MILR1: variants seen among roughly 807,000 people sequenced by gnomAD.
The protein encoded by MILR1 is mast cell immunoglobulin like receptor 1.
In MILR1, 31 loss-of-function variants were observed where a neutral mutation model predicts 18.5. The observed-to-expected ratio is 1.68, with a 90% CI of 1.26 to 2.26. MILR1 has a LOEUF of 2.26. Ranked by LOEUF, MILR1 falls within the 30% of genes most tolerant of loss-of-function variation. MILR1 has a pLI of 0.00. For missense variants in MILR1, 257 were observed against 157.4 expected, an observed-to-expected ratio of 1.63 and a Z score of -3.38; for synonymous variants, 85 against 56.2, an observed-to-expected ratio of 1.51 and a Z score of -2.30.
chr17:64,480,371 T>C, the MILR1 span: 1 of 1,573,096 alleles, frequency 6.4e-7, no homozygotes, highest in Non-Finnish European at 8.7e-7. Flanking sequence ...AGTAACTCAT[T>C]AAATAGCCCT....
chr17:64,482,898 A>C, the MILR1 span: 1 of 1,312,900 alleles, frequency 7.6e-7, no homozygotes, highest in Non-Finnish European at 1.1e-6. Context: ...TTAAAATGAC[A>C]TTTAAACTCA....
At chr17:64,460,474 A>G (rs1210688607) in intron 4 of MILR1, among the ~76,000 whole-genome samples, 1 of 152,140 alleles carries the variant, frequency 6.6e-6, no homozygotes, top group Non-Finnish European at 1.5e-5. Flanking sequence ...AGTAGCTGGG[A>G]TCATAGGCAC....
the MILR1 span, among the ~76,000 whole-genome samples, chr17:64,482,327 CTTTT>C: frequency 7.8e-6 from 1 of 128,560 alleles, no homozygotes. Context: ...AAATTAAAAA[CTTTT>C]TTTTTTTTTT....
chr17:64,496,483 C>G, the MILR1 span: 1 of 1,612,140 alleles, frequency 6.2e-7, no homozygotes, highest in Admixed American at 1.7e-5. Context: ...GTTCCTTACT[C>G]AGCTCTTTGT....
intron 5 of MILR1, among the ~76,000 whole-genome samples, chr17:64,465,014 G>C (rs139226416): frequency 6.6e-6 from 1 of 152,180 alleles, no homozygotes; most frequent in Admixed American, 6.6e-5. Flanking sequence ...CTTGAAACCA[G>C]GATGCGGAGG....
chr17:64,480,529 A>G, the MILR1 span: 3 of 517,144 alleles, frequency 5.8e-6, no homozygotes, highest in East Asian at 7.0e-5. Flanking sequence ...GTTAATGTTT[A>G]TAACTTCCAT....
In MILR1 at chr17:64,464,451, G is replaced by A. The variant is rs1336625678; in HGVS notation, c.764-1001G>A. Among the ~76,000 whole-genome samples, 3 of 151,566 alleles carry A rather than the reference G, an allele frequency of 2.0e-5. No individual in the cohort carries two copies. In the East Asian group the frequency reaches 5.8e-4, roughly 29 times the overall value. The stretch of plus-strand genomic sequence containing the variant: ...GACAAGGTCTCACTATGTTCCCCAG[G>A]GTGGTCTTGAATTCCTGGCTTCAAG... On this transcript the variant is annotated intron_variant, in intron 5 of 9. Transcript: ENST00000619286.
chr17:64,467,272 A>ATT (rs35879907), intron 8 of MILR1, among the ~76,000 whole-genome samples: 1 of 141,636 alleles, frequency 7.1e-6, no homozygotes, highest in Non-Finnish European at 1.5e-5. Context: ...TGTCTGACTA[A>ATT]TTTTTTTTTT....
At chr17:64,493,146 G>T in the MILR1 span, 1 of 1,058,714 alleles carries the variant, frequency 9.4e-7, no homozygotes, top group Non-Finnish European at 1.4e-6. Context: ...GGCTAAGCTT[G>T]GTGGCTCACG....
the MILR1 span, among the ~76,000 whole-genome samples, chr17:64,487,783 C>T: frequency 6.6e-6 from 1 of 152,196 alleles, no homozygotes; most frequent in Non-Finnish European, 1.5e-5. Flanking sequence ...AGGAGGATCA[C>T]TTGAGCCCAG....
chr17:64,486,000 T>A, the MILR1 span: 6 of 777,630 alleles, frequency 7.7e-6, no homozygotes, highest in Non-Finnish European at 1.3e-5. Flanking sequence ...CCCTGCAACC[T>A]CTGCCTCCCA....
At chr17:64,490,711 C>T in the MILR1 span, 7 of 1,042,964 alleles carry the variant, frequency 6.7e-6, no homozygotes, top group South Asian at 3.9e-5. Flanking sequence ...TAAGACACCA[C>T]GTTTGCACCT....
intron 3 of MILR1, among the ~76,000 whole-genome samples, chr17:64,455,371 A>G (rs2037267859): frequency 6.6e-6 from 1 of 152,200 alleles, no homozygotes; most frequent in Non-Finnish European, 1.5e-5. Context: ...AATGAGGCCT[A>G]AAACATAGTG....
intron 2 of MILR1, among the ~76,000 whole-genome samples, chr17:64,452,065 C>T (rs2037184033): frequency 6.7e-6 from 1 of 150,162 alleles, no homozygotes; most frequent in African/African-American, 2.4e-5. Flanking sequence ...CCCAAGCCAT[C>T]CATTGGTCCC....
chr17:64,467,684 A>C, intron 9 of MILR1, 39 bp downstream of exon 9: 1 of 1,305,906 alleles, frequency 7.7e-7, no homozygotes, highest in Non-Finnish European at 1.1e-6. Context: ...CATGAACAAA[A>C]AGCAAACTTG....
At chr17:64,492,816 T>G in the MILR1 span, 1 of 1,600,616 alleles carries the variant, frequency 6.2e-7, no homozygotes, top group Non-Finnish European at 8.6e-7. Flanking sequence ...ATCTGAAAAT[T>G]ATATAATTTA....
the MILR1 span, chr17:64,485,473 T>A: frequency 2.1e-6 from 1 of 470,356 alleles, no homozygotes; most frequent in Non-Finnish European, 3.9e-6. Context: ...GGGCTAGGAG[T>A]CATAGAGATA....
At chr17:64,493,082 C>A in the MILR1 span, 1 of 1,533,120 alleles carries the variant, frequency 6.5e-7, no homozygotes, top group South Asian at 1.1e-5. Flanking sequence ...TCATTTTTGT[C>A]AATAGACACA....
the MILR1 span, chr17:64,496,628 C>T: frequency 2.5e-6 from 4 of 1,613,934 alleles, no homozygotes; most frequent in East Asian, 2.2e-5. Context: ...CGAGGTCCAC[C>T]ATTCTGCGGC....
Sources: allele counts gnomAD v4.1 joint callset (sites outside exome capture counted in the v4.1 genomes callset), GRCh38; gene constraint gnomAD v4.1.1; transcripts MANE v1.5; gene names NCBI Gene and HGNC (gene_info 2026-07-23, HGNC 2026-07-21).